DENND1A: variants seen among roughly 807,000 people sequenced by gnomAD.
DENND1A encodes DENN domain-containing protein 1A.
Under a neutral mutation model 113.7 loss-of-function variants are expected in DENND1A, and 51 were observed. The observed-to-expected ratio is 0.45, with a 90% confidence interval of 0.36 to 0.57. DENND1A has a LOEUF of 0.57. DENND1A is among the 20% of genes least tolerant of loss of function. The probability of loss-of-function intolerance (pLI) is 0.00; values close to 1 mark genes in which losing one functional copy is unlikely to be tolerated. For synonymous variants in DENND1A, 565 were observed against 570.8 expected (o/e 0.99, Z 0.14); for missense variants, 1,258 against 1,395.9 (o/e 0.90, Z 1.57).
chr9:123,409,997 C>T (rs994211755), intron 20 of DENND1A, among the ~76,000 whole-genome samples: 15 of 152,164 alleles, frequency 9.9e-5, no homozygotes, highest in African/African-American at 3.4e-4. Context: ...GAGGCTGAGG[C>T]AGGAAAATGG....
chr9:123,502,717 G>A (rs1010494022), intron 13 of DENND1A, among the ~76,000 whole-genome samples: 8 of 151,982 alleles, frequency 5.3e-5, no homozygotes, highest in Non-Finnish European at 8.8e-5. Flanking sequence ...TTTTTCTTTC[G>A]TAGCCTGTGC....
At chr9:123,445,073 T>C (rs1274119785) in intron 18 of DENND1A, among the ~76,000 whole-genome samples, 1 of 152,182 alleles carries the variant, frequency 6.6e-6, no homozygotes, top group African/African-American at 2.4e-5. Context: ...TCCTTGAGTG[T>C]TTACTGGAAT....
At position 123,382,460 on chromosome 9, in the gene DENND1A, G is replaced by C. The variant is rs2042327599; in HGVS notation, c.2185C>G (p.Leu729Val). The C allele has an allele frequency of 1.2e-6, 2 of 1,613,158 alleles. No homozygotes were observed. Among genetic ancestry groups the C allele is most frequent in the Non-Finnish European group, 1.7e-6 (2 of 1,179,610 alleles). Residue 729 changes from leucine to valine, a missense_variant, in exon 24 of 24, where the codon CTG becomes GTG. By Grantham distance (32) the Leu-to-Val change is conservative. Around this residue, in one of 2 missense-constraint regions of DENND1A, gnomAD observed 1,159 missense variants for 1,231.7 expected, o/e 0.94. Coordinates refer to ENST00000394215, the MANE Select transcript of DENND1A (RefSeq NM_001352964.2). ...EKPSALLGNSLALPRRPQNRD... is the reference protein window; with the variant it reads ...EKPSALLGNSVALPRRPQNRD... ...TTCTGGGGCCTTCGAGGCAGGGCCAGGGAGTTTCCGAGCAGGGCTGAGGGC... is the reference window on the plus strand; with the variant it reads ...TTCTGGGGCCTTCGAGGCAGGGCCACGGAGTTTCCGAGCAGGGCTGAGGGC...
At chr9:123,840,527 A>C (rs536295963) in intron 2 of DENND1A, among the ~76,000 whole-genome samples, 164 of 152,320 alleles carry the variant, frequency 1.1e-3, no homozygotes, top group African/African-American at 3.8e-3. Flanking sequence ...AGTTATTATA[A>C]GTTTTACAAA....
intron 12 of DENND1A, among the ~76,000 whole-genome samples, chr9:123,577,755 C>T (rs184982000): frequency 5.0e-4 from 76 of 152,194 alleles, no homozygotes; most frequent in African/African-American, 1.5e-3. Context: ...CTCAGCTTGA[C>T]GAATTCACCC....
At chr9:123,507,015 G>A (rs1451829951) in intron 13 of DENND1A, among the ~76,000 whole-genome samples, 2 of 152,048 alleles carry the variant, frequency 1.3e-5, no homozygotes, top group African/African-American at 4.8e-5. Context: ...GTGAAACTCA[G>A]TCTCTACTAA....
intron 22 of DENND1A, among the ~76,000 whole-genome samples, chr9:123,384,560 C>T (rs1588254510): frequency 1.3e-5 from 2 of 152,338 alleles, no homozygotes; most frequent in Admixed American, 6.5e-5. Context: ...CAGACACGCA[C>T]GGGTTGGTTA....
intron 2 of DENND1A, chr9:123,798,614 A>C (rs181219516): frequency 6.6e-6 from 1 of 152,180 alleles, no homozygotes; most frequent in African/African-American, 2.4e-5. Context: ...CAAAAGGAAT[A>C]TAAGTCTGAT....
chr9:123,711,505 G>GTATGTATATA (rs2066605429), intron 5 of DENND1A, among the ~76,000 whole-genome samples: 2 of 62,558 alleles, frequency 3.2e-5, no homozygotes, highest in African/African-American at 1.8e-4. Flanking sequence ...ATATATATAT[G>GTATGTATATA]TATATATGTA....
intron 13 of DENND1A, among the ~76,000 whole-genome samples, chr9:123,498,780 T>C (rs1238737425): frequency 1.3e-5 from 2 of 151,964 alleles, no homozygotes; most frequent in African/African-American, 4.8e-5. Context: ...TGGAGTACAG[T>C]GGCGTGATCT....
chr9:123,465,552 A>C (rs1040230843), intron 13 of DENND1A, among the ~76,000 whole-genome samples: 6 of 152,196 alleles, frequency 3.9e-5, no homozygotes, highest in Admixed American at 2.0e-4. Flanking sequence ...TTGAAGAGTA[A>C]AACAGATGAT....
intron 2 of DENND1A, among the ~76,000 whole-genome samples, chr9:123,806,904 T>C (rs1252385228): frequency 1.3e-5 from 2 of 152,240 alleles, no homozygotes; most frequent in Admixed American, 6.5e-5. Flanking sequence ...CCTCACTCTA[T>C]ACCCTAGTAA....
chr9:123,802,664 T>C (rs1834873905), intron 2 of DENND1A, among the ~76,000 whole-genome samples: 1 of 151,952 alleles, frequency 6.6e-6, no homozygotes, highest in South Asian at 2.1e-4. Flanking sequence ...CCTTCTTCTA[T>C]TCCACAGGGG....
intron 5 of DENND1A, among the ~76,000 whole-genome samples, chr9:123,754,500 T>C (rs536231454): frequency 4.3e-4 from 65 of 152,274 alleles, no homozygotes; most frequent in African/African-American, 1.5e-3. Context: ...TTAGCCACAG[T>C]CACTATCCTC....
At chr9:123,920,560 A>C (rs1177764090) in intron 1 of DENND1A, among the ~76,000 whole-genome samples, 1 of 152,116 alleles carries the variant, frequency 6.6e-6, no homozygotes, top group Non-Finnish European at 1.5e-5. Flanking sequence ...AGGGAACATT[A>C]AGTGGTTTTT....
At chr9:123,662,365 C>T (rs534546840) in intron 8 of DENND1A, among the ~76,000 whole-genome samples, 1 of 152,160 alleles carries the variant, frequency 6.6e-6, no homozygotes, top group East Asian at 1.9e-4. Context: ...AGTTCAAGAC[C>T]AGCCTGGCCA....
chr9:123,775,263 C>T (rs1379249390), intron 3 of DENND1A, among the ~76,000 whole-genome samples: 6 of 152,202 alleles, frequency 3.9e-5, no homozygotes, highest in African/African-American at 1.4e-4. Context: ...TTACAATTAG[C>T]ATTCAGTGGC....
intron 2 of DENND1A, among the ~76,000 whole-genome samples, chr9:123,827,718 G>T (rs925739848): frequency 7.2e-5 from 11 of 152,208 alleles, no homozygotes; most frequent in Middle Eastern, 6.8e-3. Flanking sequence ...CCCAGTAAGT[G>T]CTTTAGGCTT....
chr9:123,692,747 G>A (rs559452240), intron 5 of DENND1A, among the ~76,000 whole-genome samples: 1 of 152,276 alleles, frequency 6.6e-6, no homozygotes, highest in African/African-American at 2.4e-5. Flanking sequence ...TTTCACAAAT[G>A]TTTGAACTTA....
Sources: gnomAD v4.1 joint callset for allele counts (sites outside exome capture counted in the v4.1 genomes callset) on GRCh38, gnomAD v4.1.1 for gene constraint, gnomAD v4.1.1 regional missense constraint, MANE v1.5 for transcripts, NCBI Gene and HGNC (gene_info 2026-07-23, HGNC 2026-07-21) for gene names.